RAB19: variants seen among roughly 807,000 people sequenced by gnomAD.
RAB19 encodes ras-related protein Rab-19.
In RAB19, 21 loss-of-function variants were observed where a neutral mutation model predicts 17.3. The ratio of observed to expected loss-of-function variants is 1.21; its 90% CI spans 0.86 to 1.74. The LOEUF (loss-of-function observed/expected upper bound fraction) is 1.74, where lower values mean the gene tolerates loss of function less well. Ranked by LOEUF, RAB19 falls within the 40% of genes most tolerant of loss-of-function variation. RAB19 has a pLI of 0.00. For missense variants in RAB19, 277 were observed against 286.8 expected (o/e 0.97, Z 0.25); for synonymous variants, 126 against 110.4 (o/e 1.14, Z -0.88).
chr7:140,421,226 CTG>C (rs1799557924), intron 3 of RAB19, among the ~76,000 whole-genome samples: 2 of 152,170 alleles, frequency 1.3e-5, no homozygotes, highest in East Asian at 3.9e-4. Context: ...GGGTCCAACT[CTG>C]TCACCCAGGC....
chr7:140,424,619 CTA>C (rs369975658), intron 3 of RAB19, among the ~76,000 whole-genome samples: 1,106 of 87,754 alleles, frequency 0.013, 5 homozygotes, highest in South Asian at 0.027. Flanking sequence ...CTCTCTCTCT[CTA>C]TATATATATA....
At chr7:140,413,479 C>T (rs988064968) in intron 3 of RAB19, among the ~76,000 whole-genome samples, 60 of 151,878 alleles carry the variant, frequency 4.0e-4, no homozygotes, top group Non-Finnish European at 3.8e-4. Context: ...GAAGCTGAGG[C>T]GGGAGGATAG....
chr7:140,407,833 G>C lies in RAB19; in HGVS notation c.187G>C (p.Gly63Arg). 6.2e-7 allele frequency: 1 copy of C among 1,610,874 alleles called. No individual in the cohort carries two copies. The highest frequency in any genetic ancestry group is 8.5e-7 in the Non-Finnish European group (1 of 1,178,892). Residue 63 changes from glycine (G) to arginine (R), a missense_variant, in exon 2 of 4, where the codon GGC becomes CGC. Coordinates refer to ENST00000537763, the MANE Select transcript of RAB19 (RefSeq NM_001008749.3). ...TACCGTGCGTTCCCTTGATATTGAC[G>C]GCAAAAAAGTGAAGGTCAGAGGGCA... ...DFTVRSLDID[G>R]KKVKMQVWDT...
intron 3 of RAB19, among the ~76,000 whole-genome samples, chr7:140,424,176 A>C (rs1021679373): frequency 5.3e-5 from 7 of 131,248 alleles, no homozygotes; most frequent in Middle Eastern, 4.3e-3. Flanking sequence ...TTTTTTTTTG[A>C]CATGCCGTTT....
chr7:140,425,447 C>T (rs1017187891), intron 3 of RAB19, among the ~76,000 whole-genome samples: 16 of 152,028 alleles, frequency 1.1e-4, no homozygotes, highest in African/African-American at 3.6e-4. Context: ...GAGCAAGGGC[C>T]GGGTGCAGTG....
At chr7:140,407,535 T>G in intron 1 of RAB19, 89 bp from the exon 2 acceptor site, 2 of 879,394 alleles carry the variant, frequency 2.3e-6, no homozygotes, top group Non-Finnish European at 1.8e-6. Context: ...CTCACAAGGA[T>G]GTAGCACTGT....
Position 140,410,313 on chromosome 7 carries a change from C to CTTTTTT in RAB19, c.202-1542_202-1537dup, listed in dbSNP as rs762151021. Among the ~76,000 whole-genome samples, 270 of 81,020 alleles carry CTTTTTT rather than the reference C, an allele frequency of 3.3e-3. 6 individuals carry two copies. Among genetic ancestry groups the CTTTTTT allele is most frequent in the African/African-American group, 3.7e-3 (74 of 19,766 alleles). The allele number at this position is 81,020 out of a possible 152,430, so 53.2% of individuals were successfully genotyped here. ...ATGCCCAGCTAATTTTTGTATTTTT[C>CTTTTTT]TTTTTTTTTTTTTTTTTTTTTTTTG... On this transcript the variant is annotated intron_variant, in intron 2 of 3. Coordinates refer to ENST00000537763, the MANE Select transcript of RAB19 (RefSeq NM_001008749.3).
At chr7:140,412,840 CAT>C in intron 3 of RAB19, among the ~76,000 whole-genome samples, 1 of 151,548 alleles carries the variant, frequency 6.6e-6, no homozygotes, top group East Asian at 2.0e-4. Flanking sequence ...AATACATAAA[CAT>C]AGATGGGGCG....
intron 3 of RAB19, among the ~76,000 whole-genome samples, chr7:140,417,137 G>A (rs1329996982): frequency 6.6e-6 from 1 of 151,308 alleles, no homozygotes; most frequent in Non-Finnish European, 1.5e-5. Context: ...TTGGGAGGCT[G>A]AGGCACAAGA....
chr7:140,407,924 G>T (rs551922335), intron 2 of RAB19, 77 bp downstream of exon 2: 192 of 1,084,446 alleles, frequency 1.8e-4, no homozygotes, highest in Non-Finnish European at 1.8e-4. Context: ...ACGGAGTCTC[G>T]CGCGATCTCG....
chr7:140,412,248 C>G (rs6464764), intron 3 of RAB19, among the ~76,000 whole-genome samples, 191 bp downstream of exon 3: 12 of 151,540 alleles, frequency 7.9e-5, no homozygotes, highest in African/African-American at 1.7e-4. Context: ...TCAGGAGATC[C>G]AGACCATCCT....
chr7:140,421,288 C>T (rs1467448255), intron 3 of RAB19, among the ~76,000 whole-genome samples: 1 of 152,062 alleles, frequency 6.6e-6, no homozygotes, highest in Non-Finnish European at 1.5e-5. Context: ...AACTCCTGGG[C>T]TGAAGCAATC....
rs147777836 is a variant in RAB19, at chr7:140,414,058, T to C, written c.385+2001T>C. On this transcript the variant is annotated intron_variant, in intron 3 of 3. Coordinates refer to ENST00000537763, the MANE Select transcript of RAB19 (RefSeq NM_001008749.3). ...CTCCCTCTGTGCTACCTTCTCTCTT[T>C]TTTTGAGACGGAGTCTTACTCTGTT... is the stretch of plus-strand genomic sequence containing the variant. Among the ~76,000 whole-genome samples, 697 of 152,186 alleles carry C rather than the reference T, an allele frequency of 4.6e-3. 12 individuals are homozygous for C. The highest frequency in any genetic ancestry group is 0.016 in the African/African-American group (646 of 41,534).
intron 2 of RAB19, among the ~76,000 whole-genome samples, chr7:140,410,417 C>T (rs1304902861): frequency 6.8e-6 from 1 of 147,440 alleles, no homozygotes; most frequent in Non-Finnish European, 1.5e-5. Flanking sequence ...AGCTCCGCTT[C>T]CCGGGTTCAC....
chr7:140,411,688 G>A, intron 2 of RAB19, 186 bp from the exon 3 acceptor site: 2 of 1,369,152 alleles, frequency 1.5e-6, no homozygotes, highest in Non-Finnish European at 1.9e-6. Flanking sequence ...CCCAACCAAG[G>A]AGGATATCCA....
At chr7:140,423,175 C>T (rs1316277795) in intron 3 of RAB19, among the ~76,000 whole-genome samples, 1 of 151,950 alleles carries the variant, frequency 6.6e-6, no homozygotes, top group Non-Finnish European at 1.5e-5. Flanking sequence ...CGTGGTGGCT[C>T]ACGCCTGTAA....
At chr7:140,424,615 C>A (rs897930840) in intron 3 of RAB19, among the ~76,000 whole-genome samples, 1,182 of 72,262 alleles carry the variant, frequency 0.016, 6 homozygotes, top group South Asian at 0.062. Flanking sequence ...CTCTCTCTCT[C>A]TCTCTATATA....
Position 140,426,831 on chromosome 7 carries a change from T to C in RAB19, c.*681T>C, listed in dbSNP as rs2130179430. ...GATAGGGGAAGACACCTGCAATTTT[T>C]TTTCTTTCTTTTTTTTTTTTTTTTT... On this transcript the variant is annotated 3_prime_UTR_variant, in exon 4 of 4. Coordinates refer to ENST00000537763, the MANE Select transcript of RAB19 (RefSeq NM_001008749.3). Among the ~76,000 whole-genome samples the C allele has an allele frequency of 6.7e-6, 1 of 149,330 alleles. No homozygotes were observed. Among genetic ancestry groups the C allele is most frequent in the South Asian group, 2.1e-4 (1 of 4,744 alleles).
rs1799683021 is a variant in RAB19, at chr7:140,426,914, T to C, written c.*764T>C. 1.3e-5 allele frequency among the ~76,000 whole-genome samples: 2 copies of C among 149,490 alleles called. No individual in the cohort carries two copies. The highest frequency in any genetic ancestry group is 5.0e-5 in the African/African-American group (2 of 40,294). ...TGGAGTATAGTGGTGGGATCTTGGC[T>C]CACTGCAACCTCTACCTCCTGGGTT... On this transcript the variant is annotated 3_prime_UTR_variant, in exon 4 of 4. Coordinates refer to ENST00000537763, the MANE Select transcript of RAB19 (RefSeq NM_001008749.3).
Sources: allele counts gnomAD v4.1 joint callset (sites outside exome capture counted in the v4.1 genomes callset), GRCh38; gene constraint gnomAD v4.1.1; transcripts MANE v1.5; gene names NCBI Gene and HGNC (gene_info 2026-07-23, HGNC 2026-07-21).